Variants in ATXN8OS observed in about 807,000 individuals in gnomAD.
ATXN8OS encodes the protein ATXN8 opposite strand lncRNA, also known as ATXN8 opposite strand (non-protein coding).
exon 5 of ATXN8OS, among the ~76,000 whole-genome samples, chr13:70,171,329 T>C (rs915474082): frequency 2.6e-5 from 4 of 152,072 alleles, no homozygotes; most frequent in African/African-American, 7.2e-5. Context: ...CCTTTGGGCG[T>C]AACTTTAAGG....
At chr13:70,164,058 A>ATTT (rs869110142) in intron 4 of ATXN8OS, among the ~76,000 whole-genome samples, 1 of 12,482 alleles carries the variant, frequency 8.0e-5, no homozygotes, top group Admixed American at 1.3e-3. Flanking sequence ...TTTTATTCTT[A>ATTT]TTATTATTAT....
At chr13:70,122,828 T>G (rs1400602516) in intron 2 of ATXN8OS, among the ~76,000 whole-genome samples, 1 of 151,958 alleles carries the variant, frequency 6.6e-6, no homozygotes, top group Non-Finnish European at 1.5e-5. Flanking sequence ...ATTATAAAAA[T>G]CTACCAAAAT....
intron 4 of ATXN8OS, among the ~76,000 whole-genome samples, chr13:70,164,795 C>T (rs1156497814): frequency 6.6e-6 from 1 of 151,992 alleles, no homozygotes; most frequent in Non-Finnish European, 1.5e-5. Flanking sequence ...GCCTTACCTC[C>T]TCACTGTATT....
chr13:70,128,546 T>TAA lies in ATXN8OS; in HGVS notation n.399-1226_399-1225dup, dbSNP rs5804478. Among the ~76,000 whole-genome samples the TAA allele has an allele frequency of 2.8e-4, 41 of 146,310 alleles. 1 individual carries two copies. The highest frequency in any genetic ancestry group is 1.2e-3 in the East Asian group (6 of 5,050). On this transcript the variant is annotated intron_variant and non_coding_transcript_variant, in intron 2 of 4. Coordinates refer to ENST00000678624, the Ensembl canonical transcript of ATXN8OS. The stretch of plus-strand genomic sequence containing the variant: ...CTTCTATTGACTTGAGCTTAAAAAT[T>TAA]AAAAAAAAAAAAATTACAATCTCAG...
intron 4 of ATXN8OS, among the ~76,000 whole-genome samples, chr13:70,148,051 T>G (rs1315308778): frequency 6.6e-6 from 1 of 152,096 alleles, no homozygotes. Flanking sequence ...TGAGTTAAGG[T>G]AAGACTGGAA....
intron 2 of ATXN8OS, among the ~76,000 whole-genome samples, chr13:70,123,731 G>C (rs948990391): frequency 6.6e-6 from 1 of 152,048 alleles, no homozygotes; most frequent in Non-Finnish European, 1.5e-5. Flanking sequence ...GAGAAGTCTA[G>C]GAAGAAAGGA....
chr13:70,159,185 C>CTT (rs1290852753), intron 4 of ATXN8OS, among the ~76,000 whole-genome samples: 2 of 131,278 alleles, frequency 1.5e-5, no homozygotes, highest in African/African-American at 3.5e-5. Context: ...TCCATTCTCT[C>CTT]TCTCTCTCTC....
At chr13:70,132,297 CA>C (rs1888545081) in intron 3 of ATXN8OS, among the ~76,000 whole-genome samples, 1 of 121,702 alleles carries the variant, frequency 8.2e-6, no homozygotes, top group African/African-American at 3.2e-5. Context: ...CATAAAAAAA[CA>C]AAATTATGAT....
chr13:70,121,727 ATATAT>A (rs1387340821), intron 2 of ATXN8OS, among the ~76,000 whole-genome samples: 2 of 152,146 alleles, frequency 1.3e-5, no homozygotes, highest in Non-Finnish European at 2.9e-5. Context: ...GTACTTTAAC[ATATAT>A]TATCTTATGT....
At chr13:70,126,712 TAC>T (rs1888442560) in intron 2 of ATXN8OS, among the ~76,000 whole-genome samples, 1 of 151,798 alleles carries the variant, frequency 6.6e-6, no homozygotes, top group South Asian at 2.1e-4. Context: ...GATAGATATG[TAC>T]AGTTTACACA....
intron 2 of ATXN8OS, among the ~76,000 whole-genome samples, chr13:70,122,574 C>G (rs893396712): frequency 6.6e-6 from 1 of 151,898 alleles, no homozygotes; most frequent in Non-Finnish European, 1.5e-5. Context: ...AATAAATAAA[C>G]TGAAACTCTC....
At position 70,118,835 on chromosome 13, in the gene ATXN8OS, C is replaced by CTT. The variant is rs58934253; in HGVS notation, n.398+3550_398+3551dup. Among the ~76,000 whole-genome samples the CTT allele has an allele frequency of 1.2e-3, 174 of 145,016 alleles. 2 individuals carry two copies. Among genetic ancestry groups the CTT allele is most frequent in the East Asian group, 3.5e-3 (17 of 4,926 alleles). ...TCTGATATACTCTTACAGATATATA[C>CTT]TTTTTTTTTTTTTTGAGACAGAGTT... On this transcript the variant is annotated intron_variant and non_coding_transcript_variant, in intron 2 of 4. Transcript: ENST00000678624.
At chr13:70,163,542 T>C (rs1889035814) in intron 4 of ATXN8OS, among the ~76,000 whole-genome samples, 1 of 152,006 alleles carries the variant, frequency 6.6e-6, no homozygotes, top group Non-Finnish European at 1.5e-5. Context: ...TTACAAAATA[T>C]TAAAATTATT....
At chr13:70,126,058 C>G (rs1201537549) in intron 2 of ATXN8OS, among the ~76,000 whole-genome samples, 9 of 152,086 alleles carry the variant, frequency 5.9e-5, no homozygotes, top group East Asian at 1.9e-4. Context: ...GAAGGACCTT[C>G]CTGGTTTTAT....
chr13:70,165,119 A>T (rs546371572), intron 4 of ATXN8OS, among the ~76,000 whole-genome samples: 1 of 152,132 alleles, frequency 6.6e-6, no homozygotes, highest in South Asian at 2.1e-4. Context: ...CAAAACTAGT[A>T]AGATCAATTT....
intron 3 of ATXN8OS, among the ~76,000 whole-genome samples, chr13:70,135,416 T>TCC (rs553385877): frequency 2.2e-4 from 34 of 152,204 alleles, no homozygotes; most frequent in African/African-American, 7.9e-4. Context: ...TTAATGGCTC[T>TCC]CTCTCTCTCT....
At chr13:70,170,647 T>C (rs186933165) in exon 5 of ATXN8OS, among the ~76,000 whole-genome samples, 5 of 152,160 alleles carry the variant, frequency 3.3e-5, no homozygotes, top group African/African-American at 2.4e-5. Flanking sequence ...TTTTATGATA[T>C]GCGAATAAAT....
intron 2 of ATXN8OS, among the ~76,000 whole-genome samples, chr13:70,119,731 T>C (rs1309431036): frequency 6.6e-6 from 1 of 152,068 alleles, no homozygotes; most frequent in Non-Finnish European, 1.5e-5. Context: ...CCTGACTTCA[T>C]GTGACAGGCA....
At chr13:70,119,142 A>G (rs1162412571) in intron 2 of ATXN8OS, among the ~76,000 whole-genome samples, 6 of 152,058 alleles carry the variant, frequency 3.9e-5, no homozygotes, top group African/African-American at 1.4e-4. Context: ...ACCCCACAAA[A>G]AGATGTTTTA....
Sources: gnomAD v4.1 joint callset for allele counts (sites outside exome capture counted in the v4.1 genomes callset) on GRCh38, gnomAD v4.1.1 for gene constraint, MANE v1.5 for transcripts, NCBI Gene and HGNC (gene_info 2026-07-23, HGNC 2026-07-21) for gene names.